PCDHGA5: variants seen among roughly 807,000 people sequenced by gnomAD.
PCDHGA5 encodes protocadherin gamma-A5.
Under a neutral mutation model 56.7 loss-of-function variants are expected in PCDHGA5, and 36 were observed. The ratio of observed to expected loss-of-function variants is 0.64; its 90% confidence interval spans 0.49 to 0.84. The LOEUF (loss-of-function observed/expected upper bound fraction) is 0.84, where lower values mean the gene tolerates loss of function less well. PCDHGA5 is among the 40% of genes least tolerant of loss of function. PCDHGA5 has a pLI of 0.00. For synonymous variants in PCDHGA5, 563 were observed against 520.2 expected, an observed-to-expected ratio of 1.08 and a Z score of -1.12; for missense variants, 1,305 against 1,201.5, an observed-to-expected ratio of 1.09 and a Z score of -1.27.
intron 1 of PCDHGA5, chr5:141,418,503 T>G (rs2096264259): frequency 6.2e-7 from 1 of 1,613,828 alleles, no homozygotes. Flanking sequence ...CTGACCGCCT[T>G]AGATGGTGGG....
intron 1 of PCDHGA5, among the ~76,000 whole-genome samples, chr5:141,369,978 A>AT (rs1300549847): frequency 6.6e-6 from 1 of 152,234 alleles, no homozygotes; most frequent in Non-Finnish European, 1.5e-5. Flanking sequence ...AAGGTACTTG[A>AT]TTTGGATGGA....
chr5:141,439,117 C>T (rs1219829519), intron 1 of PCDHGA5, among the ~76,000 whole-genome samples: 6 of 150,696 alleles, frequency 4.0e-5, no homozygotes, highest in African/African-American at 7.3e-5. Context: ...CACTTGAACC[C>T]GGGAGACAGA....
At position 141,430,782 on chromosome 5, in the gene PCDHGA5, G is replaced by C. The variant is rs1220976669; in HGVS notation, c.2422-64025G>C. 2.0e-6 allele frequency: 3 copies of C among 1,510,858 alleles called. No individual in the cohort carries two copies. The East Asian group carries it at 6.9e-5, about 35-fold the overall frequency. 93.6% of individuals were successfully genotyped at this position (1,510,858 alleles called of 1,614,324 possible). A position where few individuals can be genotyped will look rare whatever the true frequency, so the allele number is the denominator to read the frequency against. ...AGAATGATTCCTGCGCGACTGCACC[G>C]GGACTACAAAGGGCTTGTCCTGCTG... On this transcript the variant is annotated intron_variant, in intron 1 of 3. Coordinates refer to ENST00000518069, the MANE Select transcript of PCDHGA5 (RefSeq NM_018918.3).
At chr5:141,484,589 C>T (rs2154580160) in intron 1 of PCDHGA5, among the ~76,000 whole-genome samples, 1 of 152,074 alleles carries the variant, frequency 6.6e-6, no homozygotes, top group African/African-American at 2.4e-5. Context: ...GGAAGCTACT[C>T]ATTTAGAATA....
At position 141,489,049 on chromosome 5, in the gene PCDHGA5, T is replaced by G; in HGVS notation, c.2422-5758T>G. 2.1e-6 allele frequency: 1 copy of G among 477,660 alleles called. No homozygotes were observed. Among genetic ancestry groups the G allele is most frequent in the Non-Finnish European group, 3.7e-6 (1 of 272,910 alleles). 29.6% of individuals were successfully genotyped at this position (477,660 alleles called of 1,614,324 possible). On this transcript the variant is annotated intron_variant, in intron 1 of 3. Transcript: ENST00000518069. The surrounding 1 kb of genome is among the most constrained non-coding windows in gnomAD (Gnocchi z 4.5). ...CTCCAGCTCCCCAGCTCCACTCAAA[T>G]TCAGCTCCCCTCCCCCCTGCCCACC... is the stretch of plus-strand genomic sequence containing the variant.
chr5:141,404,490 T>G lies in PCDHGA5; in HGVS notation c.2421+37739T>G, dbSNP rs748668164. On this transcript the variant is annotated intron_variant, in intron 1 of 3. Transcript: ENST00000518069. Reference sequence around the variant, plus strand: ...GTCTCTATTAACTCAGACACTGGTGTGCTGTATGCTCTGTGCTCCTTTGAC... The same window carrying G: ...GTCTCTATTAACTCAGACACTGGTGGGCTGTATGCTCTGTGCTCCTTTGAC... 10 of 1,613,632 alleles carry G rather than the reference T, an allele frequency of 6.2e-6. No homozygotes were observed. The Admixed American group carries it at 1.2e-4, about 19-fold the overall frequency.
intron 1 of PCDHGA5, among the ~76,000 whole-genome samples, chr5:141,457,387 T>A (rs530736201): frequency 2.0e-5 from 3 of 152,340 alleles, no homozygotes; most frequent in Non-Finnish European, 2.9e-5. Context: ...AGAACTAGCA[T>A]ATTGATTCAC....
chr5:141,482,492 T>C (rs1167963137), intron 1 of PCDHGA5, among the ~76,000 whole-genome samples: 1 of 144,468 alleles, frequency 6.9e-6, no homozygotes, highest in Non-Finnish European at 1.5e-5. Flanking sequence ...TTAAAAGTTA[T>C]CATTCTGGTA....
chr5:141,458,698 T>C (rs1258294275), intron 1 of PCDHGA5, among the ~76,000 whole-genome samples: 1 of 152,054 alleles, frequency 6.6e-6, no homozygotes, highest in East Asian at 1.9e-4. Context: ...GCCTCCCGAG[T>C]AGCTGGGATT....
At chr5:141,441,127 G>A (rs1224106490) in intron 1 of PCDHGA5, 2 of 152,138 alleles carry the variant, frequency 1.3e-5, no homozygotes, top group African/African-American at 2.4e-5. Context: ...AGTTGAGACC[G>A]AATTTCTAGA....
intron 1 of PCDHGA5, among the ~76,000 whole-genome samples, chr5:141,381,021 A>C (rs1337045827): frequency 6.6e-6 from 1 of 152,244 alleles, no homozygotes; most frequent in Non-Finnish European, 1.5e-5. Context: ...TACCTCTATT[A>C]GTTCCTTTAA....
chr5:141,403,354 G>A, intron 1 of PCDHGA5: 7 of 1,614,048 alleles, frequency 4.3e-6, no homozygotes, highest in Non-Finnish European at 5.9e-6. Flanking sequence ...CAAAGTTCCA[G>A]GCCGAAAGTC....
intron 2 of PCDHGA5, among the ~76,000 whole-genome samples, chr5:141,498,872 G>T (rs912789877): frequency 1.4e-4 from 21 of 151,650 alleles, no homozygotes; most frequent in Non-Finnish European, 2.9e-4. Flanking sequence ...GGCGGAGGTT[G>T]CAGTGAGCTG....
intron 1 of PCDHGA5, among the ~76,000 whole-genome samples, chr5:141,488,675 T>C (rs888235928): frequency 2.6e-5 from 4 of 152,116 alleles, no homozygotes; most frequent in Admixed American, 1.3e-4. Flanking sequence ...TACATGGGCT[T>C]TGCCTCTCCC....
Position 141,366,087 on chromosome 5 carries a change from A to G in PCDHGA5, c.1757A>G (p.Tyr586Cys). Residue 586 changes from tyrosine to cysteine, a missense_variant, in exon 1 of 4, where the codon TAC becomes TGC. Transcript: ENST00000518069. ...ELAPRSAEPG[Y>C]LVTKVVAVDK... ...GCGCCTCGCTCCGCAGAACCTGGCTACCTGGTGACCAAGGTGGTAGCGGTG... is the reference window on the plus strand; with the variant it reads ...GCGCCTCGCTCCGCAGAACCTGGCTGCCTGGTGACCAAGGTGGTAGCGGTG... 6.2e-7 allele frequency: 1 copy of G among 1,614,230 alleles called. No individual in the cohort carries two copies. The highest frequency in any genetic ancestry group is 8.5e-7 in the Non-Finnish European group (1 of 1,180,034).
At chr5:141,394,739 C>T (rs377359689) in intron 1 of PCDHGA5, 4 of 1,613,390 alleles carry the variant, frequency 2.5e-6, no homozygotes, top group Non-Finnish European at 3.4e-6. Flanking sequence ...AGCAGAGCCT[C>T]GTGGTGGCCG....
chr5:141,394,972 A>G (rs766374618), intron 1 of PCDHGA5: 1 of 1,613,902 alleles, frequency 6.2e-7, no homozygotes, highest in Non-Finnish European at 8.5e-7. Context: ...AGGCGCTGGC[A>G]CAAGTCACGC....
At chr5:141,372,345 C>T in intron 1 of PCDHGA5, 1 of 1,613,816 alleles carries the variant, frequency 6.2e-7, no homozygotes, top group Non-Finnish European at 8.5e-7. Flanking sequence ...TGATGGAGGA[C>T]AGCAGCCTCT....
In PCDHGA5 at chr5:141,395,432, G is replaced by A. The variant is rs963118371; in HGVS notation, c.2421+28681G>A. ...GTTATTGTTTCATTTGCTTTTAAAC[G>A]ACTTGGAAAAGATTGTTCAACCATT... On this transcript the variant is annotated intron_variant, in intron 1 of 3. Coordinates refer to ENST00000518069, the MANE Select transcript of PCDHGA5 (RefSeq NM_018918.3). The A allele has an allele frequency of 8.6e-6, 6 of 701,470 alleles. No homozygotes were observed. In the African/African-American group the frequency reaches 9.1e-5, roughly 11 times the overall value. The allele number at this position is 701,470 out of a possible 1,614,324, so 43.5% of individuals were successfully genotyped here. A position where few individuals can be genotyped will look rare whatever the true frequency, so the allele number is the denominator to read the frequency against.
Sources: gnomAD v4.1 joint callset for allele counts (sites outside exome capture counted in the v4.1 genomes callset) on GRCh38, gnomAD v4.1.1 for gene constraint, Gnocchi (gnomAD v3.1) non-coding constraint, MANE v1.5 for transcripts, NCBI Gene and HGNC (gene_info 2026-07-23, HGNC 2026-07-21) for gene names.